The following ADGRF5 variants were observed in gnomAD, a reference collection of about 807,000 sequenced individuals.
ADGRF5 encodes adhesion G protein-coupled receptor F5.
Under a neutral mutation model 132.3 loss-of-function variants are expected in ADGRF5, and 75 were observed. That is an observed-to-expected ratio of 0.57 (90% CI 0.47 to 0.69). ADGRF5 has a LOEUF of 0.69. ADGRF5 is among the 30% of genes least tolerant of loss of function. ADGRF5 has a pLI of 0.00. For missense variants in ADGRF5, 1,516 were observed against 1,630.6 expected (o/e 0.93, Z 1.21); for synonymous variants, 629 against 597.6 (o/e 1.05, Z -0.77).
chr6:46,878,801 C>T (rs962598200), intron 9 of ADGRF5, among the ~76,000 whole-genome samples: 1 of 152,116 alleles, frequency 6.6e-6, no homozygotes, highest in Non-Finnish European at 1.5e-5. Context: ...TGTCTATAGC[C>T]CACCTCATCA....
At chr6:46,882,136 A>G (rs749256270) in intron 6 of ADGRF5, 29 bp from the exon 7 acceptor site, 4 of 1,527,496 alleles carry the variant, frequency 2.6e-6, no homozygotes, top group Non-Finnish European at 3.6e-6. Flanking sequence ...TGAATGTCAT[A>G]TATCAAAGTC....
At chr6:46,880,363 A>AC (rs943829127) in intron 8 of ADGRF5, among the ~76,000 whole-genome samples, 2 of 151,916 alleles carry the variant, frequency 1.3e-5, no homozygotes, top group Non-Finnish European at 2.9e-5. Flanking sequence ...TTTTATAAAA[A>AC]AAAAACAAAC....
rs370227779 is a variant in ADGRF5, at chr6:46,862,914, T to A, written c.2173A>T (p.Ile725Leu). Residue 725 changes from isoleucine (I) to leucine (L), a missense_variant, in exon 15 of 21, where the codon ATA becomes TTA. Physicochemically the swap from Ile to Leu is conservative, Grantham distance 5 (BLOSUM62 2). Coordinates refer to ENST00000283296, the MANE Select transcript of ADGRF5 (RefSeq NM_001098518.2). ...EKRNDCISAP[I>L]NSLLQMAKAL... ...TTAGCCATCTGGAGCAGACTGTTTATTGGGGCAGAGATGCAGTCATTTCTC... is the reference window on the plus strand; with the variant it reads ...TTAGCCATCTGGAGCAGACTGTTTAATGGGGCAGAGATGCAGTCATTTCTC... The A allele has an allele frequency of 6.2e-7, 1 of 1,612,682 alleles. No individual in the cohort carries two copies. The highest frequency in any genetic ancestry group is 8.5e-7 in the Non-Finnish European group (1 of 1,179,248).
intron 1 of ADGRF5, among the ~76,000 whole-genome samples, chr6:46,937,031 C>G (rs1777868608): frequency 6.6e-6 from 1 of 152,212 alleles, no homozygotes. Flanking sequence ...CAACCCATGG[C>G]TGCTCAATGC....
chr6:46,872,263 A>G (rs759608569), intron 10 of ADGRF5, among the ~76,000 whole-genome samples: 2 of 152,296 alleles, frequency 1.3e-5, no homozygotes, highest in Non-Finnish European at 2.9e-5. Context: ...CTTGTGCTTC[A>G]GTTCTCCAGA....
rs746596600 is a variant in ADGRF5, at chr6:46,853,996, T to C, written c.4037A>G (p.Asn1346Ser). The C allele has an allele frequency of 1.2e-6, 2 of 1,602,022 alleles. No homozygotes were observed. Among genetic ancestry groups the C allele is most frequent in the South Asian group, 1.1e-5 (1 of 89,678 alleles). Residue 1346 changes from asparagine (N) to serine (S), a missense_variant, in exon 21 of 21, where the codon AAC (asparagine) becomes AGC (serine). Coordinates refer to ENST00000283296, the MANE Select transcript of ADGRF5 (RefSeq NM_001098518.2). ...GTAGGTTGGATTATCCTGTTCTTAG[T>C]TGAGCAACGAAGAAGCACTGGATGA... is the stretch of plus-strand genomic sequence containing the variant. ...ENSSSASSLL[N>S]
intron 1 of ADGRF5, among the ~76,000 whole-genome samples, chr6:46,929,447 C>A (rs1474896557): frequency 1.3e-5 from 2 of 148,862 alleles, no homozygotes; most frequent in Non-Finnish European, 3.0e-5. Flanking sequence ...ACATACATAA[C>A]AAACCTGCAC....
intron 1 of ADGRF5, among the ~76,000 whole-genome samples, chr6:46,948,927 G>A (rs770807695): frequency 6.6e-6 from 1 of 152,154 alleles, no homozygotes; most frequent in African/African-American, 2.4e-5. Flanking sequence ...AACAATGGGC[G>A]GAAACACAGC....
Position 46,899,179 on chromosome 6 carries a change from G to A in ADGRF5, c.157+850C>T, listed in dbSNP as rs115512694. 7.5e-3 allele frequency among the ~76,000 whole-genome samples: 1,137 copies of A among 152,208 alleles called. 17 individuals carry two copies. Among genetic ancestry groups the A allele is most frequent in the African/African-American group, 0.026 (1,072 of 41,506 alleles). On this transcript the variant is annotated intron_variant, in intron 3 of 20. Coordinates refer to ENST00000283296, the MANE Select transcript of ADGRF5 (RefSeq NM_001098518.2). ...AGTTCATAAGACTTGAGGCTTCAGT[G>A]GGGGTCTCCCAGATAAACAAAGGGG... is the stretch of plus-strand genomic sequence containing the variant.
intron 1 of ADGRF5, among the ~76,000 whole-genome samples, chr6:46,917,308 G>T (rs1283618376): frequency 6.6e-6 from 1 of 152,162 alleles, no homozygotes; most frequent in East Asian, 1.9e-4. Flanking sequence ...TCCACTGCAT[G>T]AACCGCATTT....
At chr6:46,881,730 G>T (rs1309518637) in intron 7 of ADGRF5, 133 bp from the exon 8 acceptor site, 6 of 705,398 alleles carry the variant, frequency 8.5e-6, no homozygotes, top group Non-Finnish European at 1.2e-5. Context: ...GATCTGACTG[G>T]CCAGCAGGAT....
At chr6:46,862,454 G>A (rs1190093620) in intron 15 of ADGRF5, among the ~76,000 whole-genome samples, 2 of 152,256 alleles carry the variant, frequency 1.3e-5, no homozygotes, top group East Asian at 1.9e-4. Flanking sequence ...ATACCTGTAA[G>A]AGCATCAAGC....
chr6:46,867,137 C>A lies in ADGRF5; in HGVS notation c.1622G>T (p.Gly541Val). 1 of 1,572,006 alleles carries A rather than the reference C, an allele frequency of 6.4e-7. No homozygotes were observed. Among genetic ancestry groups the A allele is most frequent in the Non-Finnish European group, 8.7e-7 (1 of 1,145,220 alleles). ...ATATCTAAATATGCAGTGATAGGTT[C>A]CTGAGTAGAAGACGGCAAAAATGAG... The part of the protein sequence containing the change: ...TVKTSTREWN[G>V]TYHCIFRYKN... Residue 541 changes from glycine (G) to valine (V), a missense_variant and splice_region_variant, in exon 13 of 21, where the codon GGA (glycine) becomes GTA (valine). Gly to Val is a moderately radical substitution (Grantham distance 109). This residue lies in a region of ADGRF5 where 945 missense variants were observed against 929.4 expected (regional missense o/e 1.02). Coordinates refer to ENST00000283296, the MANE Select transcript of ADGRF5 (RefSeq NM_001098518.2).
At position 46,871,834 on chromosome 6, in the gene ADGRF5, A is replaced by T; in HGVS notation, c.1411+9T>A. 2 of 1,570,266 alleles carry T rather than the reference A, an allele frequency of 1.3e-6. No individual in the cohort carries two copies. Among genetic ancestry groups the T allele is most frequent in the Non-Finnish European group, 1.7e-6 (2 of 1,148,030 alleles). Reference sequence around the variant, plus strand: ...ATTTATGGCTAAAAATGCTAGGGAGAGTCCTTACCCACAGAGATGAATGTC... The same window carrying T: ...ATTTATGGCTAAAAATGCTAGGGAGTGTCCTTACCCACAGAGATGAATGTC... On this transcript the variant is annotated intron_variant, in intron 11 of 20. Coordinates refer to ENST00000283296, the MANE Select transcript of ADGRF5 (RefSeq NM_001098518.2).
At position 46,884,150 on chromosome 6, in the gene ADGRF5, A is replaced by T. The variant is rs760124027; in HGVS notation, c.450T>A (p.His150Gln). 6.2e-7 allele frequency: 1 copy of T among 1,614,146 alleles called. No homozygotes were observed. ...QERDVFLPGHHCSCLKELPPN... is the reference protein window; with the variant it reads ...QERDVFLPGHQCSCLKELPPN... The stretch of plus-strand genomic sequence containing the variant: ...GAGGCAGTTCTTTAAGGCAACTGCA[A>T]TGGTGCCCTGGGAGGAAGACGTCAC... Residue 150 changes from histidine (H) to glutamine (Q), a missense_variant, in exon 5 of 21, where the codon CAT (histidine) becomes CAA (glutamine). His to Gln is a conservative substitution (Grantham distance 24). Coordinates refer to ENST00000283296, the MANE Select transcript of ADGRF5 (RefSeq NM_001098518.2).
chr6:46,913,947 A>G (rs1366021489), intron 1 of ADGRF5, among the ~76,000 whole-genome samples: 1 of 152,232 alleles, frequency 6.6e-6, no homozygotes, highest in East Asian at 1.9e-4. Flanking sequence ...CCAACGGCAT[A>G]TACCCTAATG....
intron 1 of ADGRF5, among the ~76,000 whole-genome samples, chr6:46,930,844 G>C (rs1777524109): frequency 6.6e-6 from 1 of 152,144 alleles, no homozygotes; most frequent in Admixed American, 6.5e-5. Context: ...CTTGAGCCCA[G>C]GAGTTTGAAA....
chr6:46,948,708 C>T (rs964548739), intron 1 of ADGRF5, among the ~76,000 whole-genome samples: 1 of 152,180 alleles, frequency 6.6e-6, no homozygotes, highest in African/African-American at 2.4e-5. Context: ...AAAGCTGACG[C>T]TTTACTTTTG....
rs147040330 is a variant in ADGRF5, at chr6:46,940,904, A to G, written c.-25+13830T>C. 3.1e-3 allele frequency among the ~76,000 whole-genome samples: 478 copies of G among 152,296 alleles called. 3 individuals are homozygous for G. The highest frequency in any genetic ancestry group is 0.011 in the African/African-American group (450 of 41,570). On this transcript the variant is annotated intron_variant, in intron 1 of 20. Transcript: ENST00000265417. ...GATTTAGTAATTCTTCCTCCCAAGA[A>G]TTTTCAAATTTTAGTGCAGCCTAAG...
Sources: allele counts gnomAD v4.1 joint callset (sites outside exome capture counted in the v4.1 genomes callset), GRCh38; gene constraint gnomAD v4.1.1; regional missense constraint gnomAD v4.1.1; transcripts MANE v1.5; gene names NCBI Gene and HGNC (gene_info 2026-07-23, HGNC 2026-07-21).